Variants in MX1 observed in about 807,000 individuals in gnomAD.
The protein encoded by MX1 is interferon-induced GTP-binding protein Mx1.
A neutral mutation model predicts 66.4 loss-of-function variants in MX1; 66 were observed. The ratio of observed to expected loss-of-function variants is 0.99; its 90% CI spans 0.82 to 1.22. The LOEUF (loss-of-function observed/expected upper bound fraction) is 1.22, where lower values mean the gene tolerates loss of function less well. Ranked by LOEUF, MX1 falls within the 50% of genes most tolerant of loss-of-function variation. The pLI is 0.00. For synonymous variants in MX1, 311 were observed against 318.1 expected (o/e 0.98, Z 0.24); for missense variants, 787 against 834.3 (o/e 0.94, Z 0.70).
chr21:41,458,420 G>T lies in MX1; in HGVS notation c.1759-108G>T, dbSNP rs1274596052. 2.4e-6 allele frequency: 3 copies of T among 1,263,574 alleles called. No homozygotes were observed. In the African/African-American group the frequency reaches 4.5e-5, roughly 19 times the overall value. The allele number at this position is 1,263,574 out of a possible 1,614,324, so 78.3% of individuals were successfully genotyped here. ...CAGGGGAAGGTCATTGCCCTGCGAG[G>T]GTCTCCCTCATTGAGAATCTGGATC... On this transcript the variant is annotated intron_variant, in intron 16 of 16. Coordinates refer to ENST00000398598, the MANE Select transcript of MX1 (RefSeq NM_002462.5).
At chr21:41,436,171 C>T in intron 6 of MX1, 142 bp downstream of exon 6, 2 of 1,010,948 alleles carry the variant, frequency 2.0e-6, no homozygotes, top group East Asian at 2.6e-5. Context: ...TCTCCTGAGG[C>T]CTTTCTCCAT....
chr21:41,435,282 A>G (rs1346200449), intron 5 of MX1, among the ~76,000 whole-genome samples: 1 of 152,006 alleles, frequency 6.6e-6, no homozygotes, highest in Non-Finnish European at 1.5e-5. Flanking sequence ...AGTTTCTGGG[A>G]TCTTTGGGTT....
intron 16 of MX1, among the ~76,000 whole-genome samples, chr21:41,454,861 A>G (rs982840263): frequency 6.6e-6 from 1 of 151,980 alleles, no homozygotes; most frequent in Non-Finnish European, 1.5e-5. Context: ...TCTTGTGGAA[A>G]TGCAGATGCT....
chr21:41,446,264 A>G, intron 13 of MX1, 123 bp downstream of exon 13: 1 of 953,990 alleles, frequency 1.0e-6, no homozygotes, highest in Non-Finnish European at 1.6e-6. Flanking sequence ...TTAAGGAATC[A>G]GGAAATTTGG....
At chr21:41,449,078 G>GA (rs1033119275) in intron 13 of MX1, 59 bp from the exon 14 acceptor site, 2 of 1,477,910 alleles carry the variant, frequency 1.4e-6, no homozygotes, top group Admixed American at 2.2e-5. Flanking sequence ...ATTGTGTTTA[G>GA]AAAAATGTGC....
chr21:41,444,386 G>A (rs1403225546), intron 11 of MX1, among the ~76,000 whole-genome samples: 4 of 136,328 alleles, frequency 2.9e-5, no homozygotes, highest in African/African-American at 1.1e-4. Context: ...GAGTGCAGTG[G>A]TGTGATCTCA....
At chr21:41,436,443 TA>T (rs796784493) in intron 6 of MX1, among the ~76,000 whole-genome samples, 52 of 152,352 alleles carry the variant, frequency 3.4e-4, no homozygotes, top group African/African-American at 1.2e-3. Flanking sequence ...TTTTTTCACA[TA>T]AGTCATATGT....
In MX1 at chr21:41,434,408, T is replaced by C. The variant is rs1264424769; in HGVS notation, c.106-1429T>C. On this transcript the variant is annotated intron_variant, in intron 5 of 16. Coordinates refer to ENST00000398598, the MANE Select transcript of MX1 (RefSeq NM_002462.5). ...ACTTTGTTCTTCTTTTTCAAAGTCATTTTGACTAAGAATATTTAGATCATT... is the reference window on the plus strand; with the variant it reads ...ACTTTGTTCTTCTTTTTCAAAGTCACTTTGACTAAGAATATTTAGATCATT... Among the ~76,000 whole-genome samples the C allele has an allele frequency of 6.6e-5, 10 of 152,250 alleles. No individual in the cohort carries two copies. In the South Asian group the frequency reaches 1.7e-3, roughly 25 times the overall value.
chr21:41,443,946 C>A, intron 11 of MX1, 80 bp downstream of exon 11: 2 of 1,252,016 alleles, frequency 1.6e-6, no homozygotes, highest in South Asian at 1.2e-5. Flanking sequence ...TCTTAAACAT[C>A]ACTGTACACA....
chr21:41,441,966 C>T lies in MX1; in HGVS notation c.929+52C>T. ...ATCAGTCCAAGCCCAGGATGTCAGG[C>T]CTTCCAGGGGACAGTGGCAGCCGTC... On this transcript the variant is annotated intron_variant, in intron 10 of 16. Transcript: ENST00000398598. This position sits in a 1 kb window ranked among gnomAD's most constrained non-coding sequence, Gnocchi z 4.0. The T allele has an allele frequency of 6.3e-7, 1 of 1,592,380 alleles. No homozygotes were observed. Among genetic ancestry groups the T allele is most frequent in the African/African-American group, 1.3e-5 (1 of 74,456 alleles).
intron 6 of MX1, 76 bp downstream of exon 6, chr21:41,436,105 A>G: frequency 6.6e-7 from 1 of 1,521,046 alleles, no homozygotes; most frequent in Non-Finnish European, 8.9e-7. Context: ...CTTATACAAC[A>G]AAAGTTTATT....
intron 16 of MX1, among the ~76,000 whole-genome samples, chr21:41,455,822 C>T (rs2090945464): frequency 6.6e-6 from 1 of 152,238 alleles, no homozygotes; most frequent in Admixed American, 6.5e-5. Context: ...TTTGCTAATG[C>T]AGGTGTGTTG....
chr21:41,442,710 G>A (rs537747165), intron 10 of MX1: 17 of 152,216 alleles, frequency 1.1e-4, no homozygotes, highest in Non-Finnish European at 2.2e-4. Context: ...AGATGATTCA[G>A]TGTCCATTGA....
chr21:41,421,571 A>G (rs967255705), upstream of MX1, among the ~76,000 whole-genome samples: 37 of 152,192 alleles, frequency 2.4e-4, no homozygotes, highest in African/African-American at 8.7e-4. Context: ...GGTACTTGAG[A>G]TTAGGGCGTG....
upstream of MX1, among the ~76,000 whole-genome samples, chr21:41,422,291 G>A (rs1292389383): frequency 6.6e-6 from 1 of 152,220 alleles, no homozygotes; most frequent in Non-Finnish European, 1.5e-5. Flanking sequence ...CAAATGCCAT[G>A]GCAATGTCAG....
intron 15 of MX1, 57 bp from the exon 16 acceptor site, chr21:41,452,564 T>C: frequency 6.5e-7 from 1 of 1,548,222 alleles, no homozygotes. Flanking sequence ...CCTACTTTCC[T>C]GTGACTCAGG....
At position 41,458,670 on chromosome 21, in the gene MX1, G is replaced by A. The variant is rs148464043; in HGVS notation, c.1901G>A (p.Ser634Asn). 1 of 1,614,078 alleles carries A rather than the reference G, an allele frequency of 6.2e-7. No homozygotes were observed. Among genetic ancestry groups the A allele is most frequent in the East Asian group, 2.2e-5 (1 of 44,896 alleles). ...TACAGCTGGCTCCTGAAGGAGCGGA[G>A]CGACACCAGCGACAAGCGGAAGTTC... The part of the protein sequence containing the change: ...DTYSWLLKER[S>N]DTSDKRKFLK... Residue 634 changes from serine to asparagine, a missense_variant, in exon 17 of 17, where the codon AGC becomes AAC. Physicochemically the swap from Ser to Asn is conservative, Grantham distance 46. Transcript: ENST00000398598.
intron 16 of MX1, among the ~76,000 whole-genome samples, chr21:41,454,170 C>A (rs35138081): frequency 0.2 from 30,128 of 152,000 alleles, 3,511 homozygotes; most frequent in East Asian, 0.42. Flanking sequence ...AATATGTCCA[C>A]AAAATATATT....
At chr21:41,456,648 A>G (rs2090966048) in intron 16 of MX1, among the ~76,000 whole-genome samples, 1 of 152,138 alleles carries the variant, frequency 6.6e-6, no homozygotes, top group Non-Finnish European at 1.5e-5. Context: ...GAAACACACC[A>G]TCACAGCTGG....
Sources: allele counts gnomAD v4.1 joint callset (sites outside exome capture counted in the v4.1 genomes callset), GRCh38; gene constraint gnomAD v4.1.1; non-coding constraint Gnocchi (gnomAD v3.1); transcripts MANE v1.5; gene names NCBI Gene and HGNC (gene_info 2026-07-23, HGNC 2026-07-21).